Variants in CNTNAP2 observed in about 807,000 individuals in gnomAD.
The protein encoded by CNTNAP2 is contactin-associated protein-like 2.
Under a neutral mutation model 155.2 loss-of-function variants are expected in CNTNAP2, and 98 were observed. The ratio of observed to expected loss-of-function variants is 0.63; its 90% CI spans 0.54 to 0.75. The LOEUF is 0.75. Ranked by LOEUF, CNTNAP2 falls within the 30% of genes least tolerant of loss-of-function variation. CNTNAP2 has a pLI of 0.00. For synonymous variants in CNTNAP2, 651 were observed against 631.2 expected, an observed-to-expected ratio of 1.03 and a Z score of -0.47; for missense variants, 1,727 against 1,688.1, an observed-to-expected ratio of 1.02 and a Z score of -0.40.
chr7:147,024,909 AG>A (rs931008932), intron 3 of CNTNAP2, among the ~76,000 whole-genome samples: 1 of 152,030 alleles, frequency 6.6e-6, no homozygotes, highest in African/African-American at 2.4e-5. Context: ...AGTAAGGGGG[AG>A]GTGCCCCACA....
chr7:146,650,428 C>G (rs936098532), intron 1 of CNTNAP2, among the ~76,000 whole-genome samples: 1 of 151,922 alleles, frequency 6.6e-6, no homozygotes, highest in Non-Finnish European at 1.5e-5. Context: ...TCATTCTCAG[C>G]AAACTAATAC....
At chr7:148,103,366 G>C (rs1804145039) in intron 15 of CNTNAP2, among the ~76,000 whole-genome samples, 1 of 152,062 alleles carries the variant, frequency 6.6e-6, no homozygotes, top group Admixed American at 6.5e-5. Context: ...TGAACACACT[G>C]TTCATTATTC....
chr7:146,221,901 A>G (rs926781986), intron 1 of CNTNAP2, among the ~76,000 whole-genome samples: 6 of 152,170 alleles, frequency 3.9e-5, no homozygotes, highest in Non-Finnish European at 5.9e-5. Context: ...CATTGCATTC[A>G]AGGAAAAGAC....
In CNTNAP2 at chr7:146,351,129, T is replaced by C. The variant is rs931443453; in HGVS notation, c.97+234156T>C. Among the ~76,000 whole-genome samples, 8 of 151,662 alleles carry C rather than the reference T, an allele frequency of 5.3e-5. No individual in the cohort carries two copies. In the East Asian group the frequency reaches 1.4e-3, roughly 26 times the overall value. On this transcript the variant is annotated intron_variant, in intron 1 of 23. Transcript: ENST00000361727. ...CACCAGCATGGCACATATATACATA[T>C]GTAACAAACCTGCACATTGTGCACA...
At chr7:146,510,753 G>A (rs1797453397) in intron 1 of CNTNAP2, among the ~76,000 whole-genome samples, 1 of 151,622 alleles carries the variant, frequency 6.6e-6, no homozygotes, top group Non-Finnish European at 1.5e-5. Context: ...ATTGTAAATG[G>A]GGTTGCTTTC....
chr7:146,132,273 T>C (rs1015796359), intron 1 of CNTNAP2, among the ~76,000 whole-genome samples: 1 of 152,110 alleles, frequency 6.6e-6, no homozygotes, highest in African/African-American at 2.4e-5. Flanking sequence ...GAGTTGGTAT[T>C]GGGGAGGTTG....
chr7:147,174,553 G>T (rs926206431), intron 8 of CNTNAP2, among the ~76,000 whole-genome samples: 18 of 152,102 alleles, frequency 1.2e-4, no homozygotes, highest in African/African-American at 4.1e-4. Context: ...AAGAGAGAAA[G>T]GAACCGTGAC....
intron 11 of CNTNAP2, among the ~76,000 whole-genome samples, chr7:147,512,576 T>A (rs1799041239): frequency 6.6e-6 from 1 of 152,176 alleles, no homozygotes; most frequent in African/African-American, 2.4e-5. Context: ...AAGAGATTTT[T>A]AAAAATACAT....
chr7:147,025,236 G>A (rs1238202551), intron 3 of CNTNAP2, among the ~76,000 whole-genome samples: 1 of 134,448 alleles, frequency 7.4e-6, no homozygotes. Context: ...CAGTAAGCCG[G>A]AATCATGCCA....
intron 10 of CNTNAP2, among the ~76,000 whole-genome samples, 174 bp from the exon 11 acceptor site, chr7:147,485,761 G>T (rs1018784934): frequency 6.6e-6 from 1 of 152,102 alleles, no homozygotes; most frequent in African/African-American, 2.4e-5. Flanking sequence ...TCTTTGTTGC[G>T]CTTGGCACCT....
chr7:147,198,731 A>T (rs939103481), intron 8 of CNTNAP2, among the ~76,000 whole-genome samples: 1 of 152,184 alleles, frequency 6.6e-6, no homozygotes, highest in Admixed American at 6.5e-5. Flanking sequence ...ATAGTTTGTC[A>T]TATGAATAAT....
chr7:146,907,301 G>A (rs1455577278), intron 3 of CNTNAP2, among the ~76,000 whole-genome samples: 34 of 143,632 alleles, frequency 2.4e-4, no homozygotes, highest in South Asian at 6.9e-4. Context: ...TACAGAGAAC[G>A]CCACAAAGAT....
chr7:146,974,964 T>C (rs1797879465), intron 3 of CNTNAP2, among the ~76,000 whole-genome samples: 1 of 152,016 alleles, frequency 6.6e-6, no homozygotes, highest in Non-Finnish European at 1.5e-5. Flanking sequence ...AGAGAGAGAC[T>C]CTATCTAAAA....
In CNTNAP2 at chr7:147,759,876, C is replaced by A. The variant is rs533442187; in HGVS notation, c.2098+120570C>A. On this transcript the variant is annotated intron_variant, in intron 13 of 23. Transcript: ENST00000361727. ...TTCTTCATTCATTTGCTGTAAGCAA[C>A]CTAGACAGACTAGATACACCCCGTA... Among the ~76,000 whole-genome samples the A allele has an allele frequency of 4.5e-4, 68 of 152,278 alleles. No homozygotes were observed. In the South Asian group the frequency reaches 0.014, roughly 31 times the overall value.
At chr7:148,364,940 C>T (rs1389304312) in intron 21 of CNTNAP2, among the ~76,000 whole-genome samples, 1 of 152,206 alleles carries the variant, frequency 6.6e-6, no homozygotes, top group East Asian at 1.9e-4. Context: ...TGCAGCTTCA[C>T]TCCTCAGCCA....
intron 1 of CNTNAP2, among the ~76,000 whole-genome samples, chr7:146,186,317 A>G (rs976317671): frequency 1.3e-5 from 2 of 152,158 alleles, no homozygotes; most frequent in South Asian, 2.1e-4. Flanking sequence ...AAGCAACAGA[A>G]GGAAAAATGA....
intron 15 of CNTNAP2, among the ~76,000 whole-genome samples, chr7:147,986,231 T>C (rs1167707844): frequency 6.6e-6 from 1 of 152,156 alleles, no homozygotes; most frequent in African/African-American, 2.4e-5. Context: ...TGGCCATTAA[T>C]TATAATACAT....
chr7:147,729,573 C>T (rs1446568128), intron 13 of CNTNAP2, among the ~76,000 whole-genome samples: 6 of 149,898 alleles, frequency 4.0e-5, no homozygotes, highest in Non-Finnish European at 8.9e-5. Flanking sequence ...AAAAAAAATA[C>T]ATCAGAGTGT....
At position 147,954,296 on chromosome 7, in the gene CNTNAP2, T is replaced by C. The variant is rs569074019; in HGVS notation, c.2256-23566T>C. ...TTAAGACTTTGTTCAAGTCAGATTT[T>C]TTAGAGTTATTTCAGATGTTATGTT... On this transcript the variant is annotated intron_variant, in intron 14 of 23. Transcript: ENST00000361727. 2.6e-5 allele frequency among the ~76,000 whole-genome samples: 4 copies of C among 152,230 alleles called. No individual in the cohort carries two copies. In the South Asian group the frequency reaches 6.2e-4, roughly 24 times the overall value.
Sources: allele counts gnomAD v4.1 joint callset (sites outside exome capture counted in the v4.1 genomes callset), GRCh38; gene constraint gnomAD v4.1.1; transcripts MANE v1.5; gene names NCBI Gene and HGNC (gene_info 2026-07-23, HGNC 2026-07-21).